Variants in IL10RA observed in about 807,000 individuals in gnomAD.
IL10RA encodes the protein interleukin 10 receptor subunit alpha.
A neutral mutation model predicts 29.6 loss-of-function variants in IL10RA; 18 were observed. The observed-to-expected ratio is 0.61, with a 90% CI of 0.42 to 0.90. IL10RA has a LOEUF of 0.90. Among genes scored for constraint, IL10RA ranks in the 40% least tolerant of loss-of-function variants. IL10RA has a pLI of 0.00. For missense variants in IL10RA, 634 were observed against 716.6 expected (o/e 0.88, Z 1.32); for synonymous variants, 292 against 294.1 (o/e 0.99, Z 0.07).
Position 117,999,100 on chromosome 11 carries a change from A to C in IL10RA, c.1196A>C (p.Asp399Ala). Reference protein sequence around the residue: ...QQVGSNSRGQDDSGIDLVQNS... With the variant: ...QQVGSNSRGQADSGIDLVQNS... ...GTGGGGAGCAACAGCAGGGGCCAGG[A>C]TGACAGTGGCATTGACTTAGTTCAA... The change falls in exon 7 of 7, where the codon GAT becomes GCT. Residue 399 changes from aspartate (D) to alanine (A), a missense_variant. Asp to Ala is a moderately radical substitution (Grantham distance 126). Transcript: ENST00000227752. The C allele has an allele frequency of 6.2e-7, 1 of 1,611,394 alleles. No homozygotes were observed. Among genetic ancestry groups the C allele is most frequent in the South Asian group, 1.1e-5 (1 of 91,054 alleles).
At chr11:117,992,067 T>A (rs1265291770) in intron 3 of IL10RA, among the ~76,000 whole-genome samples, 3 of 152,232 alleles carry the variant, frequency 2.0e-5, no homozygotes, top group Non-Finnish European at 4.4e-5. Context: ...TGAATAGGAT[T>A]CTGTTGTATA....
rs1228197156 is a variant in IL10RA, at chr11:117,989,861, G to T, written c.367+241G>T. 6.6e-6 allele frequency among the ~76,000 whole-genome samples: 1 copy of T among 152,172 alleles called. No homozygotes were observed. The highest frequency in any genetic ancestry group is 1.5e-5 in the Non-Finnish European group (1 of 68,032). ...CTACAGAAGAGAGGTCTTGGGGTGG[G>T]TTGGGACAGCTGAGTCACCAGGTCC... On this transcript the variant is annotated intron_variant, in intron 3 of 6. Transcript: ENST00000227752. This position sits in a 1 kb window ranked among gnomAD's most constrained non-coding sequence, Gnocchi z 4.5.
At chr11:117,990,217 C>T (rs965469003) in intron 3 of IL10RA, among the ~76,000 whole-genome samples, 5 of 152,176 alleles carry the variant, frequency 3.3e-5, no homozygotes, top group Non-Finnish European at 7.4e-5. Context: ...CATTGGCTTC[C>T]AAATGCCTGC....
rs2058007390 is a variant in IL10RA at position 117,989,305 on chromosome 11, G to T, written c.189-137G>T. The T allele has an allele frequency of 5.0e-6, 4 of 804,042 alleles. No homozygotes were observed. The highest frequency in any genetic ancestry group is 3.4e-5 in the African/African-American group (2 of 59,286). 49.8% of individuals were successfully genotyped at this position (804,042 alleles called of 1,614,324 possible). Reference sequence around the variant, plus strand: ...AGACCCCTCACAATGAGCTGCCGTGGACTAGAGGATATAGCCTGAGGGCTG... The same window carrying T: ...AGACCCCTCACAATGAGCTGCCGTGTACTAGAGGATATAGCCTGAGGGCTG... On this transcript the variant is annotated intron_variant, in intron 2 of 6. Transcript: ENST00000227752. The surrounding 1 kb of genome is among the most constrained non-coding windows in gnomAD (Gnocchi z 4.5).
chr11:118,001,788 C>T, downstream of IL10RA: 1 of 221,080 alleles, frequency 4.5e-6, no homozygotes. Context: ...TGGTGCCAGG[C>T]ATGTGGTACT....
chr11:117,994,230 GCTGGTGCCAGCCA>G (rs1302906744), intron 5 of IL10RA, 81 bp downstream of exon 5: 6 of 1,218,778 alleles, frequency 4.9e-6, no homozygotes, highest in Non-Finnish European at 2.4e-6. Flanking sequence ...CACCTGGGAT[GCTGGTGCCAGCCA>G]CTGTGTTAGG....
Position 117,999,330 on chromosome 11 carries a change from A to G in IL10RA, c.1426A>G (p.Lys476Glu). ...ESPLTDGLGP[K>E]FGRCLVDEAG... ...GCCCTTGACAGATGGCCTTGGCCCC[A>G]AATTCGGGAGATGCCTGGTTGATGA... is the stretch of plus-strand genomic sequence containing the variant. The change falls in exon 7 of 7, where the codon AAA (lysine) becomes GAA (glutamate). Residue 476 changes from lysine (K) to glutamate (E), a missense_variant. Transcript: ENST00000227752. 3 of 1,614,218 alleles carry G rather than the reference A, an allele frequency of 1.9e-6. No homozygotes were observed. Among genetic ancestry groups the G allele is most frequent in the Non-Finnish European group, 2.5e-6 (3 of 1,180,036 alleles).
chr11:117,999,307 C>A lies in IL10RA; in HGVS notation c.1403C>A (p.Pro468His). Residue 468 changes from proline (P) to histidine (H), a missense_variant, in exon 7 of 7, where the codon CCC (proline) becomes CAC (histidine). Coordinates refer to ENST00000227752, the MANE Select transcript of IL10RA (RefSeq NM_001558.4). Reference protein sequence around the residue: ...TKTGCLEEESPLTDGLGPKFG... With the variant: ...TKTGCLEEESHLTDGLGPKFG... Reference sequence around the variant, plus strand: ...ACAGGCTGCCTGGAGGAAGAATCGCCCTTGACAGATGGCCTTGGCCCCAAA... The same window carrying A: ...ACAGGCTGCCTGGAGGAAGAATCGCACTTGACAGATGGCCTTGGCCCCAAA... The A allele has an allele frequency of 6.2e-7, 1 of 1,614,214 alleles. No homozygotes were observed. The highest frequency in any genetic ancestry group is 8.5e-7 in the Non-Finnish European group (1 of 1,180,040).
chr11:117,995,713 G>A lies in IL10RA; in HGVS notation c.810+3G>A. Reference sequence around the variant, plus strand: ...GAAAGAAGCTACCCAGTGTCCTGGTGAGTCTTGCAAGGAGGTCACTGCCCC... The same window carrying A: ...GAAAGAAGCTACCCAGTGTCCTGGTAAGTCTTGCAAGGAGGTCACTGCCCC... On this transcript the variant is annotated splice_donor_region_variant and intron_variant, in intron 6 of 6. Coordinates refer to ENST00000227752, the MANE Select transcript of IL10RA (RefSeq NM_001558.4). The A allele has an allele frequency of 6.2e-7, 1 of 1,612,940 alleles. No individual in the cohort carries two copies. The highest frequency in any genetic ancestry group is 1.7e-5 in the Admixed American group (1 of 60,014).
At chr11:117,995,287 G>A (rs2058048516) in intron 5 of IL10RA, 2 of 428,842 alleles carry the variant, frequency 4.7e-6, no homozygotes, top group South Asian at 2.1e-5. Context: ...CCGGAGCCTC[G>A]ATTCTTACCT....
chr11:117,994,571 A>G (rs1000578410), intron 5 of IL10RA, among the ~76,000 whole-genome samples: 1 of 152,246 alleles, frequency 6.6e-6, no homozygotes, highest in African/African-American at 2.4e-5. Context: ...GCTCCTCGCC[A>G]GAGCTGCTAA....
chr11:117,997,604 C>G (rs1037203065), intron 6 of IL10RA, among the ~76,000 whole-genome samples: 2 of 152,192 alleles, frequency 1.3e-5, no homozygotes, highest in African/African-American at 2.4e-5. Context: ...AGTCGGCAGA[C>G]CTTAGGAGGG....
intron 1 of IL10RA, 147 bp downstream of exon 1, chr11:117,986,681 C>T (rs1290627212): frequency 2.5e-5 from 38 of 1,535,526 alleles, no homozygotes; most frequent in Non-Finnish European, 3.1e-5. Flanking sequence ...ACCTGGATCT[C>T]AGGCTCACCT....
chr11:117,988,155 C>T (rs1240097506), intron 1 of IL10RA: 2 of 588,864 alleles, frequency 3.4e-6, no homozygotes, highest in Non-Finnish European at 6.1e-6. Context: ...CTTCTCAGCC[C>T]CCACTGCAGC....
At chr11:117,988,557 C>T (rs1199168098) in intron 2 of IL10RA, 55 bp downstream of exon 2, 3 of 1,602,498 alleles carry the variant, frequency 1.9e-6, no homozygotes, top group Admixed American at 1.7e-5. Context: ...GCCTTGTCCT[C>T]TACTCTCCTA....
At chr11:117,992,375 G>C (rs993762527) in intron 3 of IL10RA, among the ~76,000 whole-genome samples, 3 of 152,102 alleles carry the variant, frequency 2.0e-5, no homozygotes, top group Non-Finnish European at 2.9e-5. Context: ...CCATCTTTTG[G>C]ATAATAGCCA....
At chr11:117,987,178 A>G in intron 1 of IL10RA, 1 of 307,272 alleles carries the variant, frequency 3.3e-6, no homozygotes, top group Non-Finnish European at 6.5e-6. Flanking sequence ...AAGGACCAAG[A>G]GCAGAGACAG....
intron 4 of IL10RA, 36 bp from the exon 5 acceptor site, chr11:117,993,963 A>G: frequency 6.2e-7 from 1 of 1,602,416 alleles, no homozygotes; most frequent in South Asian, 1.1e-5. Context: ...CCATGAAATA[A>G]AAGGATTTTG....
intron 5 of IL10RA, among the ~76,000 whole-genome samples, chr11:117,994,719 A>G (rs923214816): frequency 2.0e-5 from 3 of 152,184 alleles, no homozygotes; most frequent in Non-Finnish European, 4.4e-5. Context: ...TGCACAGAGG[A>G]GACTGTAACA....
Sources: gnomAD v4.1 joint callset for allele counts (sites outside exome capture counted in the v4.1 genomes callset) on GRCh38, gnomAD v4.1.1 for gene constraint, Gnocchi (gnomAD v3.1) non-coding constraint, MANE v1.5 for transcripts, NCBI Gene and HGNC (gene_info 2026-07-23, HGNC 2026-07-21) for gene names.